DLAT: variants seen among roughly 807,000 people sequenced by gnomAD.
The protein encoded by DLAT is dihydrolipoyllysine-residue acetyltransferase component of pyruvate dehydrogenase complex, mitochondrial.
A neutral mutation model predicts 68.0 loss-of-function variants in DLAT; 43 were observed. The ratio of observed to expected loss-of-function variants is 0.63; its 90% CI spans 0.50 to 0.81. DLAT has a LOEUF of 0.81. Ranked by LOEUF, DLAT falls within the 40% of genes least tolerant of loss-of-function variation. The pLI, the probability that DLAT is intolerant of heterozygous loss-of-function variation, is 0.00. For missense variants in DLAT, 745 were observed against 815.4 expected (o/e 0.91, Z 1.05); for synonymous variants, 265 against 288.6 (o/e 0.92, Z 0.83).
At position 112,037,314 on chromosome 11, in the gene DLAT, G is replaced by C; in HGVS notation, c.829G>C (p.Val277Leu). Reference sequence around the variant, plus strand: ...AGAAGGTTATCTGGCAAAAATCCTGGTCCCTGAAGGCACAAGAGATGTCCC... The same window carrying C: ...AGAAGGTTATCTGGCAAAAATCCTGCTCCCTGAAGGCACAAGAGATGTCCC... The part of the protein sequence containing the change: ...QEEGYLAKIL[V>L]PEGTRDVPLG... The change falls in exon 6 of 14, where the codon GTC (valine) becomes CTC (leucine). Residue 277 changes from valine to leucine, a missense_variant. Transcript: ENST00000280346. The C allele has an allele frequency of 6.2e-7, 1 of 1,614,120 alleles. No individual in the cohort carries two copies. Among genetic ancestry groups the C allele is most frequent in the Non-Finnish European group, 8.5e-7 (1 of 1,180,018 alleles).
At chr11:112,028,302 CCA>C (rs1334944223) in intron 2 of DLAT, among the ~76,000 whole-genome samples, 3 of 151,836 alleles carry the variant, frequency 2.0e-5, no homozygotes, top group Admixed American at 1.3e-4. Flanking sequence ...TCCTGTAATC[CCA>C]GCTACTCGGG....
chr11:112,045,975 A>G lies in DLAT; in HGVS notation c.1398+5A>G. On this transcript the variant is annotated splice_donor_5th_base_variant and intron_variant, in intron 10 of 13. Coordinates refer to ENST00000280346, the MANE Select transcript of DLAT (RefSeq NM_001931.5). ...GTACGGAAAGAACTTAATAAGGTAA[A>G]AGTTCTGAAAATTCCAACTTTCTAA... The G allele has an allele frequency of 6.5e-7, 1 of 1,535,460 alleles. No homozygotes were observed. The highest frequency in any genetic ancestry group is 9.0e-7 in the Non-Finnish European group (1 of 1,109,660).
At chr11:112,050,056 G>C (rs1308293366) in intron 10 of DLAT, among the ~76,000 whole-genome samples, 13 of 152,180 alleles carry the variant, frequency 8.5e-5, no homozygotes, top group Non-Finnish European at 1.8e-4. Context: ...TTCCCAGTTA[G>C]TAAGAGTGTT....
chr11:112,060,726 G>A (rs1357674480), intron 12 of DLAT, among the ~76,000 whole-genome samples: 1 of 151,914 alleles, frequency 6.6e-6, no homozygotes, highest in African/African-American at 2.4e-5. Flanking sequence ...TCACCCTCTC[G>A]AAGTGCTGGG....
In DLAT at chr11:112,043,508, CTT is replaced by C. The variant is rs2137782854; in HGVS notation, c.1175_1176del (p.Phe392CysfsTer3). On this transcript the variant is annotated frameshift_variant, in exon 8 of 14. Transcript: ENST00000280346. LOFTEE classifies it high-confidence loss of function. ...AGAATCACCAAGAAGGATATCGACT[CTT>C]TTGTGCCTAGTAAAGTTGCTCCTGT... The C allele has an allele frequency of 1.2e-6, 2 of 1,614,114 alleles. No homozygotes were observed. The highest frequency in any genetic ancestry group is 1.7e-6 in the Non-Finnish European group (2 of 1,179,998).
intron 5 of DLAT, among the ~76,000 whole-genome samples, chr11:112,036,394 G>A (rs1555180515): frequency 6.7e-6 from 1 of 150,262 alleles, no homozygotes; most frequent in African/African-American, 2.5e-5. Flanking sequence ...TGTATTTTTA[G>A]TAGAGACGGG....
intron 7 of DLAT, 27 bp from the exon 8 acceptor site, chr11:112,043,439 T>C (rs782660396): frequency 4.4e-6 from 7 of 1,601,706 alleles, no homozygotes; most frequent in African/African-American, 2.7e-5. Flanking sequence ...TATGTCATCA[T>C]GTATGTGATA....
rs200611949 is a variant in DLAT, at chr11:112,039,155, T to A, written c.976-89T>A. ...TTATTAATATTTAATTAAAATAGTT[T>A]TAATTTATTAATAAGATGTAAACTT... On this transcript the variant is annotated intron_variant, in intron 6 of 13. Coordinates refer to ENST00000280346, the MANE Select transcript of DLAT (RefSeq NM_001931.5). 1.1e-4 allele frequency: 135 copies of A among 1,270,052 alleles called. No individual in the cohort carries two copies. In the East Asian group the frequency reaches 3.1e-3, roughly 29 times the overall value. The allele number at this position is 1,270,052 out of a possible 1,614,324, so 78.7% of individuals were successfully genotyped here.
chr11:112,037,537 C>G (rs1333686311), intron 6 of DLAT, 77 bp downstream of exon 6: 3 of 1,417,478 alleles, frequency 2.1e-6, no homozygotes, highest in Non-Finnish European at 3.0e-6. Context: ...AGATGATATC[C>G]TAGGTTCCTT....
chr11:112,026,313 T>C lies in DLAT; in HGVS notation c.381+14T>C. ...CTAATTGCAGAGGTAAGTTTTTTTT[T>C]TTTTTTTTAATTAATTTATTTATTT... On this transcript the variant is annotated intron_variant, in intron 2 of 13. Transcript: ENST00000280346. 1 of 1,361,508 alleles carries C rather than the reference T, an allele frequency of 7.3e-7. No individual in the cohort carries two copies. Among genetic ancestry groups the C allele is most frequent in the Non-Finnish European group, 9.7e-7 (1 of 1,026,802 alleles). The allele number at this position is 1,361,508 out of a possible 1,614,324, so 84.3% of individuals were successfully genotyped here.
chr11:112,027,217 C>T (rs9704537), intron 2 of DLAT, among the ~76,000 whole-genome samples: 50,005 of 149,162 alleles, frequency 0.34, 8,951 homozygotes, highest in East Asian at 0.58. Flanking sequence ...CTCTTCACTT[C>T]TCAGACGGGG....
intron 11 of DLAT, among the ~76,000 whole-genome samples, chr11:112,057,106 A>G (rs1342162004): frequency 6.6e-6 from 1 of 152,150 alleles, no homozygotes; most frequent in Non-Finnish European, 1.5e-5. Context: ...AATTGTTTCA[A>G]TGCCCCATGA....
intron 7 of DLAT, among the ~76,000 whole-genome samples, chr11:112,042,301 G>C (rs782780216): frequency 6.6e-5 from 10 of 152,334 alleles, no homozygotes; most frequent in African/African-American, 2.2e-4. Flanking sequence ...CTGAAGCTTA[G>C]CATAAGGCAG....
chr11:112,056,841 C>A (rs782212869), intron 11 of DLAT, among the ~76,000 whole-genome samples: 4 of 152,120 alleles, frequency 2.6e-5, no homozygotes, highest in African/African-American at 7.2e-5. Flanking sequence ...TATTTGTTAC[C>A]GTGTGGGTGT....
intron 5 of DLAT, among the ~76,000 whole-genome samples, chr11:112,036,200 T>TC (rs1862752405): frequency 1.4e-5 from 1 of 69,866 alleles, no homozygotes; most frequent in South Asian, 4.7e-4. Context: ...TGTGTGTGTG[T>TC]GTTTTTTTTT....
intron 2 of DLAT, among the ~76,000 whole-genome samples, chr11:112,026,947 C>T (rs587748416): frequency 9.6e-5 from 14 of 145,692 alleles, no homozygotes; most frequent in African/African-American, 3.7e-4. Context: ...CGGGGGCTGA[C>T]CCCCCCACTT....
In DLAT at chr11:112,060,212, A is replaced by G. The variant is rs1211177035; in HGVS notation, c.1677+147A>G. ...GGAGTCTCTCTGTCACCCAGGCTGGAGTGCAGTGGCATGATCTCGGCTCAC... is the reference window on the plus strand; with the variant it reads ...GGAGTCTCTCTGTCACCCAGGCTGGGGTGCAGTGGCATGATCTCGGCTCAC... On this transcript the variant is annotated intron_variant, in intron 12 of 13. Coordinates refer to ENST00000280346, the MANE Select transcript of DLAT (RefSeq NM_001931.5). 1.1e-5 allele frequency: 7 copies of G among 665,656 alleles called. No individual in the cohort carries two copies. The Admixed American group carries it at 1.3e-4, about 13-fold the overall frequency. The allele number at this position is 665,656 out of a possible 1,614,324, so 41.2% of individuals were successfully genotyped here.
At chr11:112,061,739 C>T (rs1864642291) in intron 13 of DLAT, among the ~76,000 whole-genome samples, 1 of 152,102 alleles carries the variant, frequency 6.6e-6, no homozygotes, top group Admixed American at 6.6e-5. Flanking sequence ...CATGTACTAC[C>T]ACACTTGGCT....
Position 112,033,507 on chromosome 11 carries a change from T to C in DLAT, c.764T>C (p.Ile255Thr). ...AGTGAAGGAGACTTACTGGCAGAGA[T>C]AGAAACTGACAAAGCCACTATAGGT... ...KLSEGDLLAEIETDKATIGFE... is the reference protein window; with the variant it reads ...KLSEGDLLAETETDKATIGFE... Residue 255 changes from isoleucine to threonine, a missense_variant, in exon 5 of 14, where the codon ATA becomes ACA. By Grantham distance (89) the Ile-to-Thr change is moderately conservative. Transcript: ENST00000280346. 1.2e-6 allele frequency: 2 copies of C among 1,613,914 alleles called. No homozygotes were observed. The highest frequency in any genetic ancestry group is 1.7e-6 in the Non-Finnish European group (2 of 1,179,884).
Sources: gnomAD v4.1 joint callset for allele counts (sites outside exome capture counted in the v4.1 genomes callset) on GRCh38, gnomAD v4.1.1 for gene constraint, MANE v1.5 for transcripts, NCBI Gene and HGNC (gene_info 2026-07-23, HGNC 2026-07-21) for gene names.